The following NCKAP5 variants were observed in gnomAD, a reference collection of about 807,000 sequenced individuals.
NCKAP5 encodes the protein nck-associated protein 5.
In NCKAP5, 92 loss-of-function variants were observed where a neutral mutation model predicts 167.0. The observed-to-expected ratio is 0.55, with a 90% CI of 0.47 to 0.66. NCKAP5 has a LOEUF of 0.66. Ranked by LOEUF, NCKAP5 falls within the 30% of genes least tolerant of loss-of-function variation. The pLI is 0.00. For missense variants in NCKAP5, 2,378 were observed against 2,315.0 expected (o/e 1.03, Z -0.56); for synonymous variants, 891 against 877.4 (o/e 1.02, Z -0.27).
intron 6 of NCKAP5, among the ~76,000 whole-genome samples, chr2:133,008,783 G>GAAAAC (rs996104069): frequency 2.0e-5 from 3 of 152,218 alleles, no homozygotes; most frequent in South Asian, 2.1e-4. Flanking sequence ...ATGTTAGATT[G>GAAAAC]AAAACAAAAC....
At chr2:133,096,743 G>A (rs1396732309) in intron 6 of NCKAP5, among the ~76,000 whole-genome samples, 3 of 152,114 alleles carry the variant, frequency 2.0e-5, no homozygotes, top group African/African-American at 7.2e-5. Context: ...TATACAGTGG[G>A]AGAGTTTTAG....
intron 4 of NCKAP5, among the ~76,000 whole-genome samples, chr2:133,225,349 G>A (rs772453362): frequency 2.4e-4 from 36 of 152,250 alleles, no homozygotes; most frequent in Non-Finnish European, 2.8e-4. Flanking sequence ...TAGTTTTCAC[G>A]ACTTTCAATT....
At chr2:133,187,425 T>A (rs2084995884) in intron 5 of NCKAP5, among the ~76,000 whole-genome samples, 1 of 152,060 alleles carries the variant, frequency 6.6e-6, no homozygotes, top group Admixed American at 6.6e-5. Flanking sequence ...CATGCTGGCA[T>A]GCATCTGCAA....
intron 6 of NCKAP5, among the ~76,000 whole-genome samples, chr2:133,006,741 CTAATTTTT>C (rs1237243603): frequency 6.6e-6 from 1 of 152,014 alleles, no homozygotes; most frequent in Non-Finnish European, 1.5e-5. Flanking sequence ...TAATCTGTTG[CTAATTTTT>C]TTGATGGAGG....
chr2:133,640,122 T>C, the NCKAP5 span, among the ~76,000 whole-genome samples: 1 of 152,220 alleles, frequency 6.6e-6, no homozygotes, highest in Non-Finnish European at 1.5e-5. Context: ...AGGTAGTGAT[T>C]GTACCATTGG....
intron 19 of NCKAP5, among the ~76,000 whole-genome samples, chr2:132,693,393 C>T (rs557177390): frequency 2.6e-5 from 4 of 151,930 alleles, no homozygotes; most frequent in South Asian, 2.1e-4. Flanking sequence ...AAGACATGCA[C>T]GGAGGAAAGA....
chr2:133,236,274 C>A (rs553178309), intron 4 of NCKAP5, among the ~76,000 whole-genome samples: 6 of 152,022 alleles, frequency 3.9e-5, no homozygotes, highest in Admixed American at 3.9e-4. Flanking sequence ...AGCTAAAAAA[C>A]CAGAGCCAGA....
chr2:133,663,582 T>A, the NCKAP5 span, among the ~76,000 whole-genome samples: 1 of 152,210 alleles, frequency 6.6e-6, no homozygotes, highest in African/African-American at 2.4e-5. Flanking sequence ...ATTTCAACAA[T>A]GTTCACTGCA....
chr2:133,316,578 C>T (rs917453502), intron 3 of NCKAP5, among the ~76,000 whole-genome samples: 11 of 152,104 alleles, frequency 7.2e-5, no homozygotes, highest in Admixed American at 2.6e-4. Flanking sequence ...TTTTCTAAGC[C>T]AGAAAGCATT....
chr2:132,939,956 C>T (rs1233577855), intron 8 of NCKAP5, among the ~76,000 whole-genome samples: 1 of 152,060 alleles, frequency 6.6e-6, no homozygotes, highest in Non-Finnish European at 1.5e-5. Context: ...GCTGAGATTG[C>T]ACCACTGCAC....
chr2:133,478,718 A>G (rs1680167174), intron 3 of NCKAP5, among the ~76,000 whole-genome samples: 1 of 152,172 alleles, frequency 6.6e-6, no homozygotes, highest in South Asian at 2.1e-4. Context: ...ACTGCGATGC[A>G]TTTCAAATGT....
At chr2:133,487,001 C>T (rs1680962647) in intron 3 of NCKAP5, among the ~76,000 whole-genome samples, 1 of 152,158 alleles carries the variant, frequency 6.6e-6, no homozygotes, top group Admixed American at 6.5e-5. Flanking sequence ...GCCCAGCACA[C>T]TGCAGGAGTA....
At chr2:133,276,759 A>T (rs2089746505) in intron 4 of NCKAP5, among the ~76,000 whole-genome samples, 1 of 152,132 alleles carries the variant, frequency 6.6e-6, no homozygotes. Context: ...TGACAGGGTG[A>T]TGTCACTATA....
chr2:133,084,152 G>A (rs1377240699), intron 6 of NCKAP5, among the ~76,000 whole-genome samples: 2 of 152,126 alleles, frequency 1.3e-5, no homozygotes, highest in Admixed American at 1.3e-4. Flanking sequence ...ACATTATCCA[G>A]GGTGGCTGGA....
chr2:133,673,349 T>C, the NCKAP5 span, among the ~76,000 whole-genome samples: 1 of 152,148 alleles, frequency 6.6e-6, no homozygotes, highest in African/African-American at 2.4e-5. Flanking sequence ...ACACCACATA[T>C]ATAACCTTGT....
intron 8 of NCKAP5, among the ~76,000 whole-genome samples, chr2:132,908,191 AT>A (rs200766694): frequency 2.3e-3 from 342 of 149,246 alleles, no homozygotes; most frequent in African/African-American, 7.1e-3. Context: ...TACACAAAAC[AT>A]TTTTTTTTTA....
At chr2:133,527,222 T>C (rs2104806729) in intron 2 of NCKAP5, 1 of 152,270 alleles carries the variant, frequency 6.6e-6, no homozygotes, top group South Asian at 2.1e-4. Context: ...AAACTGTTTA[T>C]GAAAAGGGAT....
intron 11 of NCKAP5, among the ~76,000 whole-genome samples, chr2:132,855,170 C>T (rs986378221): frequency 7.9e-5 from 12 of 152,208 alleles, no homozygotes; most frequent in African/African-American, 2.6e-4. Flanking sequence ...TCAAAGTGTC[C>T]CTTACCTCTC....
At chr2:132,735,435 C>T (rs1691418808) in intron 16 of NCKAP5, among the ~76,000 whole-genome samples, 2 of 152,224 alleles carry the variant, frequency 1.3e-5, no homozygotes, top group South Asian at 4.1e-4. Context: ...ACACCTGCTC[C>T]TCCTTCACCT....
Sources: gnomAD v4.1 joint callset for allele counts (sites outside exome capture counted in the v4.1 genomes callset) on GRCh38, gnomAD v4.1.1 for gene constraint, MANE v1.5 for transcripts, NCBI Gene and HGNC (gene_info 2026-07-23, HGNC 2026-07-21) for gene names.